The following DLG2 variants were observed in gnomAD, a reference collection of about 807,000 sequenced individuals.
DLG2 encodes disks large homolog 2.
DLG2 carries 45 observed loss-of-function variants against 132.5 expected under a neutral mutation model. That is an observed-to-expected ratio of 0.34 (90% CI 0.27 to 0.44). The LOEUF is 0.44. Among genes scored for constraint, DLG2 ranks in the 20% least tolerant of loss-of-function variants. The probability of loss-of-function intolerance (pLI) is 1.00; values close to 1 mark genes in which losing one functional copy is unlikely to be tolerated. For synonymous variants in DLG2, 424 were observed against 419.6 expected (o/e 1.01, Z -0.13); for missense variants, 1,045 against 1,196.9 (o/e 0.87, Z 1.87).
At chr11:84,016,963 G>A (rs2095222830) in intron 11 of DLG2, among the ~76,000 whole-genome samples, 1 of 151,948 alleles carries the variant, frequency 6.6e-6, no homozygotes, top group Non-Finnish European at 1.5e-5. Context: ...TTCCCCAATG[G>A]AAGTAACTTT....
At chr11:85,383,322 G>A (rs764706195) in intron 3 of DLG2, among the ~76,000 whole-genome samples, 3 of 152,136 alleles carry the variant, frequency 2.0e-5, no homozygotes, top group Non-Finnish European at 2.9e-5. Flanking sequence ...TAGGGGATGT[G>A]AGGAGTAACT....
At chr11:85,392,284 T>C (rs1458065901) in intron 3 of DLG2, among the ~76,000 whole-genome samples, 3 of 152,104 alleles carry the variant, frequency 2.0e-5, no homozygotes, top group South Asian at 2.1e-4. Context: ...TAAGAAATCA[T>C]ATATGACACA....
At chr11:85,256,724 AG>A (rs1474114124) in intron 4 of DLG2, among the ~76,000 whole-genome samples, 2 of 152,212 alleles carry the variant, frequency 1.3e-5, no homozygotes, top group East Asian at 1.9e-4. Context: ...ATGTCGTGTG[AG>A]GGGGGGTCAG....
rs557648906 is a variant in DLG2 at position 85,302,649 on chromosome 11, A to C, written c.41-17284T>G. On this transcript the variant is annotated intron_variant, in intron 3 of 27. Coordinates refer to ENST00000376104, the MANE Select transcript of DLG2 (RefSeq NM_001142699.3). ...TGGATACTCTCACTTGAAAAGTTAAAAAAAAAAAAAAAAAAACAGTCAGTT... is the reference window on the plus strand; with the variant it reads ...TGGATACTCTCACTTGAAAAGTTAACAAAAAAAAAAAAAAAACAGTCAGTT... 7.9e-4 allele frequency among the ~76,000 whole-genome samples: 119 copies of C among 151,164 alleles called. 1 individual carries two copies. Among genetic ancestry groups the C allele is most frequent in the African/African-American group, 2.7e-3 (112 of 41,298 alleles).
chr11:84,112,325 T>A (rs1223513326), intron 9 of DLG2, among the ~76,000 whole-genome samples: 1 of 5,056 alleles, frequency 2.0e-4, no homozygotes, highest in East Asian at 3.6e-3. Flanking sequence ...ACTTTTCCTT[T>A]TTTTTTTTTT....
chr11:85,408,955 C>T (rs2089053353), intron 3 of DLG2, among the ~76,000 whole-genome samples: 1 of 151,902 alleles, frequency 6.6e-6, no homozygotes, highest in Non-Finnish European at 1.5e-5. Flanking sequence ...AGTTCTAGAT[C>T]CCTGAGCATC....
At chr11:84,839,992 G>T (rs992129295) in intron 6 of DLG2, among the ~76,000 whole-genome samples, 1 of 152,104 alleles carries the variant, frequency 6.6e-6, no homozygotes, top group Non-Finnish European at 1.5e-5. Context: ...TGACAGATGA[G>T]ATCCAATTAA....
intron 3 of DLG2, among the ~76,000 whole-genome samples, chr11:85,306,498 A>G (rs530538491): frequency 6.6e-6 from 1 of 152,368 alleles, no homozygotes; most frequent in African/African-American, 2.4e-5. Flanking sequence ...TGCTGCTGCC[A>G]GGTGAATGGG....
chr11:85,058,911 C>T (rs936555494), intron 6 of DLG2, among the ~76,000 whole-genome samples: 3 of 151,144 alleles, frequency 2.0e-5, no homozygotes, highest in Admixed American at 6.6e-5. Flanking sequence ...TAAGAGAGAA[C>T]ATAAAAAATA....
chr11:85,254,956 G>T (rs939447054), intron 4 of DLG2, among the ~76,000 whole-genome samples: 1 of 148,436 alleles, frequency 6.7e-6, no homozygotes, highest in Non-Finnish European at 1.5e-5. Context: ...CCAAGATCAC[G>T]CCACTGCACT....
At chr11:83,937,363 C>T (rs948604323) in intron 14 of DLG2, among the ~76,000 whole-genome samples, 4 of 151,744 alleles carry the variant, frequency 2.6e-5, no homozygotes, top group African/African-American at 4.8e-5. Context: ...AAAAATTAGC[C>T]GGGCTTGGTG....
intron 7 of DLG2, among the ~76,000 whole-genome samples, chr11:84,373,249 C>CAAAAAAAAAAACAAAAAAAAAAAAAAAAA (rs1459550146): frequency 1.7e-4 from 7 of 41,664 alleles, no homozygotes; most frequent in African/African-American, 9.3e-4. Context: ...AAGAAACAGT[C>CAAAAAAAAAAACAAAAAAAAAAAAAAAAA]AAAAAAAAAA....
At chr11:85,604,832 A>G (rs1794039888) in intron 2 of DLG2, among the ~76,000 whole-genome samples, 1 of 152,218 alleles carries the variant, frequency 6.6e-6, no homozygotes, top group South Asian at 2.1e-4. Flanking sequence ...TGGTTTAAGA[A>G]TAGCATCACC....
At chr11:85,105,660 C>G (rs558633692) in intron 6 of DLG2, among the ~76,000 whole-genome samples, 41 of 152,072 alleles carry the variant, frequency 2.7e-4, no homozygotes, top group African/African-American at 9.6e-4. Flanking sequence ...TTTCCTAAAG[C>G]TATGATTATC....
chr11:85,053,055 A>G (rs1240669668), intron 6 of DLG2, among the ~76,000 whole-genome samples: 1 of 152,072 alleles, frequency 6.6e-6, no homozygotes, highest in Non-Finnish European at 1.5e-5. Flanking sequence ...TTATTCTATC[A>G]CAAGTAAAGG....
At chr11:83,701,307 T>C (rs1240517490) in intron 18 of DLG2, among the ~76,000 whole-genome samples, 2 of 152,188 alleles carry the variant, frequency 1.3e-5, no homozygotes, top group African/African-American at 4.8e-5. Flanking sequence ...ATATAATCCC[T>C]ACCTTATAGG....
intron 19 of DLG2, among the ~76,000 whole-genome samples, chr11:83,543,584 T>C (rs964872099): frequency 1.3e-5 from 2 of 152,160 alleles, no homozygotes; most frequent in Non-Finnish European, 2.9e-5. Context: ...TTTCCTCATA[T>C]ACAACATAGT....
intron 3 of DLG2, among the ~76,000 whole-genome samples, chr11:85,520,187 T>C (rs1800183869): frequency 1.3e-5 from 2 of 152,062 alleles, no homozygotes; most frequent in Non-Finnish European, 2.9e-5. Context: ...GCCAGTAGCA[T>C]TTCTATACAC....
At chr11:84,946,589 C>A (rs1054781516) in intron 6 of DLG2, among the ~76,000 whole-genome samples, 8 of 152,028 alleles carry the variant, frequency 5.3e-5, no homozygotes, top group Admixed American at 4.6e-4. Context: ...ATCCAACTTA[C>A]AAGACAAAGT....
Sources: gnomAD v4.1 joint callset for allele counts (sites outside exome capture counted in the v4.1 genomes callset) on GRCh38, gnomAD v4.1.1 for gene constraint, MANE v1.5 for transcripts, NCBI Gene and HGNC (gene_info 2026-07-23, HGNC 2026-07-21) for gene names.